Variants in TLK2 observed in about 807,000 individuals in gnomAD.
TLK2 encodes the protein tousled like kinase 2, also known as serine/threonine-protein kinase tousled-like 2.
Under a neutral mutation model 117.3 loss-of-function variants are expected in TLK2, and 6 were observed. That is an observed-to-expected ratio of 0.05 (90% confidence interval 0.03 to 0.10). TLK2 has a LOEUF of 0.10. TLK2 is among the 10% of genes least tolerant of loss of function. The pLI, the probability that TLK2 is intolerant of heterozygous loss-of-function variation, is 1.00. For synonymous variants in TLK2, 257 were observed against 316.7 expected, an observed-to-expected ratio of 0.81 and a Z score of 2.00; for missense variants, 299 against 901.2, an observed-to-expected ratio of 0.33 and a Z score of 8.56.
At chr17:62,599,032 A>T (rs373608346) in intron 17 of TLK2, among the ~76,000 whole-genome samples, 33 of 151,718 alleles carry the variant, frequency 2.2e-4, no homozygotes, top group African/African-American at 7.0e-4. Context: ...TGCAACCTCC[A>T]CCTCATGGGT....
chr17:62,570,149 A>G (rs2080159724), intron 11 of TLK2, among the ~76,000 whole-genome samples: 3 of 152,152 alleles, frequency 2.0e-5, no homozygotes, highest in Admixed American at 2.0e-4. Flanking sequence ...TAATATCTTT[A>G]TTCACCCTAT....
At chr17:62,554,592 T>G (rs1159802035) in intron 9 of TLK2, among the ~76,000 whole-genome samples, 1 of 151,460 alleles carries the variant, frequency 6.6e-6, no homozygotes, top group Non-Finnish European at 1.5e-5. Flanking sequence ...AAGAAAAAAA[T>G]AAGAAAGTAA....
At chr17:62,553,299 G>A (rs2146221095) in intron 8 of TLK2, 1 of 185,996 alleles carries the variant, frequency 5.4e-6, no homozygotes, top group Non-Finnish European at 1.1e-5. Flanking sequence ...ACCAGATGGC[G>A]CATTTGTTCC....
intron 6 of TLK2, among the ~76,000 whole-genome samples, chr17:62,528,225 T>G (rs2076509609): frequency 6.6e-6 from 1 of 152,208 alleles, no homozygotes; most frequent in Non-Finnish European, 1.5e-5. Context: ...TTCAAAATTG[T>G]GCTGACAGGG....
rs375843852 is a variant in TLK2, at chr17:62,581,065, T to C, written c.1368+873T>C. 6.6e-5 allele frequency among the ~76,000 whole-genome samples: 10 copies of C among 152,230 alleles called. 1 individual carries two copies. The highest frequency in any genetic ancestry group is 2.2e-4 in the African/African-American group (9 of 41,536). On this transcript the variant is annotated intron_variant, in intron 15 of 21. Coordinates refer to ENST00000346027, the MANE Select transcript of TLK2 (RefSeq NM_006852.6). The stretch of plus-strand genomic sequence containing the variant: ...TCTTGCTCTATTGCCCAGGCTGGAG[T>C]AAGGTAGCACAATCATAGTTCATTG...
At position 62,579,337 on chromosome 17, in the gene TLK2, G is replaced by A. The variant is rs146264836; in HGVS notation, c.1286+763G>A. 3.4e-3 allele frequency among the ~76,000 whole-genome samples: 514 copies of A among 152,158 alleles called. 1 individual carries two copies. Among genetic ancestry groups the A allele is most frequent in the Non-Finnish European group, 5.7e-3 (386 of 68,012 alleles). Reference sequence around the variant, plus strand: ...CTTTAATACATTAATCAGAAAACAAGCTTAGAGAAATTAAATTAACTTGCC... The same window carrying A: ...CTTTAATACATTAATCAGAAAACAAACTTAGAGAAATTAAATTAACTTGCC... On this transcript the variant is annotated intron_variant, in intron 14 of 21. Coordinates refer to ENST00000346027, the MANE Select transcript of TLK2 (RefSeq NM_006852.6).
At chr17:62,548,240 A>ATGTGTGTG (rs59375141) in intron 7 of TLK2, among the ~76,000 whole-genome samples, 12,571 of 121,038 alleles carry the variant, frequency 0.1, 1,018 homozygotes, top group East Asian at 0.38. Flanking sequence ...ATATATATAT[A>ATGTGTGTG]TGTGTGTGTG....
rs1456669479 is a variant in TLK2 at position 62,613,677 on chromosome 17, G to C, written c.*1112G>C. ...TTGATCAGCACATAAGCTTTCTTCT[G>C]TTAGATCTTTTGGCAGCAAACAACC... On this transcript the variant is annotated 3_prime_UTR_variant, in exon 22 of 22. Transcript: ENST00000346027. 2 of 152,188 alleles carry C rather than the reference G, an allele frequency of 1.3e-5. No homozygotes were observed. The highest frequency in any genetic ancestry group is 2.9e-5 in the Non-Finnish European group (2 of 68,048). The allele number at this position is 152,188 out of a possible 1,614,324, so 9.4% of individuals were successfully genotyped here.
intron 6 of TLK2, among the ~76,000 whole-genome samples, chr17:62,528,755 A>G (rs1167721191): frequency 6.6e-6 from 1 of 152,192 alleles, no homozygotes; most frequent in Non-Finnish European, 1.5e-5. Flanking sequence ...AGGTTTTAGA[A>G]ACGAAGGATA....
At chr17:62,604,709 GA>G (rs1371000527) in intron 19 of TLK2, among the ~76,000 whole-genome samples, 2 of 151,626 alleles carry the variant, frequency 1.3e-5, no homozygotes, top group Admixed American at 1.3e-4. Flanking sequence ...AAGAGATCGA[GA>G]CCATCCTGGC....
At chr17:62,498,493 G>A (rs991102089) in intron 2 of TLK2, among the ~76,000 whole-genome samples, 12 of 151,262 alleles carry the variant, frequency 7.9e-5, no homozygotes, top group Admixed American at 5.3e-4. Flanking sequence ...GGGCTCAAGC[G>A]ATTCTCCTTT....
chr17:62,482,448 G>T (rs1199109974), intron 2 of TLK2, among the ~76,000 whole-genome samples: 4 of 131,394 alleles, frequency 3.0e-5, no homozygotes, highest in African/African-American at 1.1e-4. Context: ...GCTTGATAGG[G>T]TTTTGTTTTT....
At chr17:62,609,720 A>G (rs1257476895) in intron 21 of TLK2, among the ~76,000 whole-genome samples, 1 of 152,142 alleles carries the variant, frequency 6.6e-6, no homozygotes, top group Non-Finnish European at 1.5e-5. Context: ...TTTTGGTGTC[A>G]GCTCTACACT....
intron 6 of TLK2, among the ~76,000 whole-genome samples, chr17:62,526,273 C>T (rs988718297): frequency 2.0e-5 from 3 of 152,222 alleles, no homozygotes; most frequent in African/African-American, 7.2e-5. Context: ...TGAGCACTGG[C>T]CTCATGTATA....
Position 62,606,006 on chromosome 17 carries a change from C to CAA in TLK2, c.1860-105_1860-104dup, listed in dbSNP as rs71155942. 1,243 of 132,916 alleles carry CAA rather than the reference C, an allele frequency of 9.4e-3. 20 individuals carry two copies. The highest frequency in any genetic ancestry group is 0.041 in the African/African-American group (961 of 23,206). 8.2% of individuals were successfully genotyped at this position (132,916 alleles called of 1,614,324 possible). On this transcript the variant is annotated intron_variant, in intron 19 of 21. Transcript: ENST00000346027. ...GGGTGACAGAGCAAGACCCTGTCTC[C>CAA]AAAAAAAAAAAAAAAAAAAACGATA...
At chr17:62,566,403 C>T (rs1393194508) in intron 11 of TLK2, among the ~76,000 whole-genome samples, 1 of 152,140 alleles carries the variant, frequency 6.6e-6, no homozygotes, top group Non-Finnish European at 1.5e-5. Flanking sequence ...CTGAGTTAGA[C>T]GTTAGTAGTC....
chr17:62,576,966 CTT>C (rs59523807), intron 13 of TLK2, among the ~76,000 whole-genome samples, 191 bp downstream of exon 13: 20 of 115,900 alleles, frequency 1.7e-4, no homozygotes, highest in African/African-American at 1.8e-4. Context: ...CTTTCTTCTT[CTT>C]TTTTTTTTTT....
chr17:62,544,759 A>G (rs1391843421), intron 7 of TLK2, among the ~76,000 whole-genome samples: 1 of 152,182 alleles, frequency 6.6e-6, no homozygotes, highest in Non-Finnish European at 1.5e-5. Context: ...ATAGGATTTG[A>G]TAGCAATTGT....
chr17:62,587,314 G>C (rs2081696458), intron 16 of TLK2, among the ~76,000 whole-genome samples: 2 of 152,174 alleles, frequency 1.3e-5, no homozygotes, highest in Non-Finnish European at 2.9e-5. Context: ...GTTGGTACAA[G>C]TATTGAATCA....
Sources: gnomAD v4.1 joint callset for allele counts (sites outside exome capture counted in the v4.1 genomes callset) on GRCh38, gnomAD v4.1.1 for gene constraint, MANE v1.5 for transcripts, NCBI Gene and HGNC (gene_info 2026-07-23, HGNC 2026-07-21) for gene names.